Variants in PUM3 observed in about 807,000 individuals in gnomAD.
The protein encoded by PUM3 is pumilio RNA binding family member 3.
Under a neutral mutation model 84.0 loss-of-function variants are expected in PUM3, and 91 were observed. The observed-to-expected ratio is 1.08, with a 90% CI of 0.91 to 1.29. The LOEUF (loss-of-function observed/expected upper bound fraction) is 1.29, where lower values mean the gene tolerates loss of function less well. PUM3 is among the 50% of genes most tolerant of loss of function. PUM3 has a pLI of 0.00. For synonymous variants in PUM3, 321 were observed against 266.7 expected (o/e 1.20, Z -1.98); for missense variants, 1,067 against 767.5 (o/e 1.39, Z -4.61).
In PUM3 at chr9:2,812,558, G is replaced by C. The variant is rs547681179; in HGVS notation, c.1270-196C>G. Among the ~76,000 whole-genome samples the C allele has an allele frequency of 7.2e-5, 11 of 152,224 alleles. No homozygotes were observed. In the South Asian group the frequency reaches 2.3e-3, roughly 32 times the overall value. The stretch of plus-strand genomic sequence containing the variant: ...ATAAACAACAACAAAAAAATGAATT[G>C]ATATCTACATTCTTAAAATAAAGTA... On this transcript the variant is annotated intron_variant, in intron 13 of 17. Transcript: ENST00000397885.
Position 2,811,501 on chromosome 9 carries a change from G to C in PUM3, c.1495C>G (p.Gln499Glu), listed in dbSNP as rs150702847. ...ALLSYLQEHA[Q>E]EVVLDKSACV... ...GCAGACTTATCTAGCACCACTTCTTGGGCGTGTTCTTGCAGGTAGCTTAAC... is the reference window on the plus strand; with the variant it reads ...GCAGACTTATCTAGCACCACTTCTTCGGCGTGTTCTTGCAGGTAGCTTAAC... Residue 499 changes from glutamine (Q) to glutamate (E), a missense_variant, in exon 15 of 18, where the codon CAA (glutamine) becomes GAA (glutamate). By Grantham distance (29) the Gln-to-Glu change is conservative. Transcript: ENST00000397885. 6.2e-7 allele frequency: 1 copy of C among 1,614,106 alleles called. No individual in the cohort carries two copies. The highest frequency in any genetic ancestry group is 8.5e-7 in the Non-Finnish European group (1 of 1,180,032).
intron 8 of PUM3, among the ~76,000 whole-genome samples, chr9:2,829,283 A>G (rs2129857387): frequency 6.6e-6 from 1 of 152,318 alleles, no homozygotes; most frequent in African/African-American, 2.4e-5. Flanking sequence ...TCCCACTGCT[A>G]ACTATTCTCA....
chr9:2,808,482 ATC>A (rs1393197006), intron 16 of PUM3, among the ~76,000 whole-genome samples: 2 of 152,196 alleles, frequency 1.3e-5, no homozygotes, highest in Non-Finnish European at 2.9e-5. Flanking sequence ...TCGTGGTATT[ATC>A]TTTTTCACTT....
rs200209679 is a variant in PUM3 at position 2,820,069 on chromosome 9, C to T, written c.1218G>A (p.Ala406=). The change falls in exon 13 of 18, where the codon GCG becomes GCA. Residue 406 remains alanine, a synonymous_variant. Coordinates refer to ENST00000397885, the MANE Select transcript of PUM3 (RefSeq NM_014878.5). ...NGQYSHLVLL[A]AFDCIDDTKL... is the part of the protein sequence containing the mutation. ...TAGTATCATCAATACAATCAAATGC[C>T]GCCAGTAAAACCAAATGGGAGTATT... 60 of 1,612,386 alleles carry T rather than the reference C, an allele frequency of 3.7e-5. No homozygotes were observed. The South Asian group carries it at 4.4e-4, about 12-fold the overall frequency.
intron 13 of PUM3, 43 bp from the exon 14 acceptor site, chr9:2,812,405 C>G: frequency 5.1e-6 from 7 of 1,361,796 alleles, no homozygotes; most frequent in South Asian, 1.3e-5. Context: ...TATCTGCATT[C>G]TCAAAACAAA....
At chr9:2,842,402 G>A (rs1816288643) in intron 1 of PUM3, among the ~76,000 whole-genome samples, 1 of 151,988 alleles carries the variant, frequency 6.6e-6, no homozygotes, top group Non-Finnish European at 1.5e-5. Context: ...TCCAACTCAG[G>A]CATTCACAGC....
intron 17 of PUM3, among the ~76,000 whole-genome samples, chr9:2,806,121 G>A (rs1054322192): frequency 1.3e-5 from 2 of 152,112 alleles, no homozygotes; most frequent in Non-Finnish European, 2.9e-5. Context: ...TCCACCTAAT[G>A]GGAGTTCTGA....
At chr9:2,829,482 T>TG (rs1209474416) in intron 8 of PUM3, among the ~76,000 whole-genome samples, 8 of 152,344 alleles carry the variant, frequency 5.3e-5, no homozygotes, top group African/African-American at 1.7e-4. Flanking sequence ...GGGAGTCTTG[T>TG]CCTTCAGTAT....
intron 6 of PUM3, 77 bp from the exon 7 acceptor site, chr9:2,831,105 C>A: frequency 1.0e-6 from 1 of 986,902 alleles, no homozygotes; most frequent in East Asian, 2.5e-5. Context: ...AAATTTGTCC[C>A]AGGCAAGGAA....
intron 2 of PUM3, among the ~76,000 whole-genome samples, chr9:2,837,828 G>C (rs1221829964): frequency 6.6e-6 from 1 of 152,028 alleles, no homozygotes. Context: ...TTGAAATTTG[G>C]AAAGTATATC....
At chr9:2,824,384 T>A (rs985267712) in intron 11 of PUM3, among the ~76,000 whole-genome samples, 26 of 152,202 alleles carry the variant, frequency 1.7e-4, no homozygotes, top group African/African-American at 6.0e-4. Flanking sequence ...TCTTCCCATT[T>A]TCCCCTGCCA....
At chr9:2,809,427 TTTTC>T in intron 16 of PUM3, among the ~76,000 whole-genome samples, 2 of 152,346 alleles carry the variant, frequency 1.3e-5, no homozygotes, top group African/African-American at 4.8e-5. Flanking sequence ...TATGTTATTT[TTTTC>T]TTTAATATTT....
intron 16 of PUM3, among the ~76,000 whole-genome samples, chr9:2,810,003 CT>C (rs531209639): frequency 5.5e-4 from 84 of 151,754 alleles, no homozygotes; most frequent in African/African-American, 1.9e-3. Context: ...CCCCTACCCC[CT>C]CTCACCATCC....
chr9:2,814,243 ACT>A (rs1320026587), intron 13 of PUM3, among the ~76,000 whole-genome samples: 1 of 151,026 alleles, frequency 6.6e-6, no homozygotes, highest in Non-Finnish European at 1.5e-5. Flanking sequence ...ACGGAATCTC[ACT>A]CTGTTGCCCA....
At position 2,838,461 on chromosome 9, in the gene PUM3, G is replaced by A; in HGVS notation, c.47C>T (p.Thr16Ile). Residue 16 changes from threonine (T) to isoleucine (I), a missense_variant, in exon 2 of 18, where the codon ACA (threonine) becomes ATA (isoleucine). Thr to Ile is a moderately conservative substitution (Grantham distance 89, BLOSUM62 -1). Coordinates refer to ENST00000397885, the MANE Select transcript of PUM3 (RefSeq NM_014878.5). ...KKQFTGKSTK[T>I]AQEKNRFHKN... ...ATGAAATCTGTTTTTTTCTTGTGCT[G>A]TCTTTGTACTCTTTCCTGTGAATTG... The A allele has an allele frequency of 6.2e-7, 1 of 1,613,190 alleles. No homozygotes were observed.
intron 13 of PUM3, among the ~76,000 whole-genome samples, chr9:2,819,534 G>C (rs1821541912): frequency 6.6e-6 from 1 of 152,160 alleles, no homozygotes; most frequent in Non-Finnish European, 1.5e-5. Flanking sequence ...TTCTCCATCA[G>C]CTCAATCCAG....
intron 16 of PUM3, among the ~76,000 whole-genome samples, chr9:2,808,603 C>G (rs1377036521): frequency 6.6e-6 from 1 of 152,148 alleles, no homozygotes; most frequent in Non-Finnish European, 1.5e-5. Context: ...GTAGCATGTA[C>G]TATATAATTC....
In PUM3 at chr9:2,829,768, T is replaced by C. The variant is rs779423926; in HGVS notation, c.852+6A>G. On this transcript the variant is annotated splice_donor_region_variant and intron_variant, in intron 8 of 17. Transcript: ENST00000397885. ...AATACTAGAAAAAGACTTCTGGAGA[T>C]GTCACCTTGTAAAGCTGAAATGTGT... 5.0e-6 allele frequency: 8 copies of C among 1,604,094 alleles called. No individual in the cohort carries two copies. The highest frequency in any genetic ancestry group is 2.7e-5 in the African/African-American group (2 of 74,456).
At chr9:2,828,854 G>C (rs1211542455) in intron 8 of PUM3, 76 bp from the exon 9 acceptor site, 24 of 824,986 alleles carry the variant, frequency 2.9e-5, no homozygotes, top group Non-Finnish European at 4.5e-5. Context: ...AAAGTAATTA[G>C]TCATTTTAAA....
Sources: gnomAD v4.1 joint callset for allele counts (sites outside exome capture counted in the v4.1 genomes callset) on GRCh38, gnomAD v4.1.1 for gene constraint, MANE v1.5 for transcripts, NCBI Gene and HGNC (gene_info 2026-07-23, HGNC 2026-07-21) for gene names.